Variants in ARID5B observed in about 807,000 individuals in gnomAD.
ARID5B encodes AT-rich interaction domain 5B.
Under a neutral mutation model 97.2 loss-of-function variants are expected in ARID5B, and 13 were observed. The observed-to-expected ratio is 0.13, with a 90% CI of 0.09 to 0.21. The LOEUF is 0.21. ARID5B is among the 10% of genes least tolerant of loss of function. The probability of loss-of-function intolerance (pLI) is 1.00; values close to 1 mark genes in which losing one functional copy is unlikely to be tolerated. For missense variants in ARID5B, 1,210 were observed against 1,465.3 expected (o/e 0.83, Z 2.84); for synonymous variants, 556 against 570.3 (o/e 0.97, Z 0.36).
chr10:62,047,854 CTT>C, intron 4 of ARID5B, among the ~76,000 whole-genome samples: 1 of 152,336 alleles, frequency 6.6e-6, no homozygotes, highest in African/African-American at 2.4e-5. Flanking sequence ...AATACCAAAA[CTT>C]TACCTGGAGT....
chr10:62,021,248 TAC>T lies in ARID5B; in HGVS notation c.733+20928_733+20929del, dbSNP rs1478722672. Among the ~76,000 whole-genome samples the T allele has an allele frequency of 2.0e-5, 3 of 152,044 alleles. No individual in the cohort carries two copies. The East Asian group carries it at 5.8e-4, about 29-fold the overall frequency. On this transcript the variant is annotated intron_variant, in intron 4 of 9. Transcript: ENST00000279873. ...AAATTGTTTTTAGCTGCACATGCTA[TAC>T]CATTTAAAAAACTTAGACTAAATAC...
At chr10:62,043,600 T>G (rs1417851667) in intron 4 of ARID5B, among the ~76,000 whole-genome samples, 1 of 152,174 alleles carries the variant, frequency 6.6e-6, no homozygotes, top group Non-Finnish European at 1.5e-5. Flanking sequence ...CAATTAGCAA[T>G]ACAGATGAGC....
chr10:62,083,064 C>T (rs1172306981), intron 8 of ARID5B, among the ~76,000 whole-genome samples: 1 of 150,496 alleles, frequency 6.6e-6, no homozygotes, highest in Non-Finnish European at 1.5e-5. Flanking sequence ...CACACACACA[C>T]TCTCTCACAC....
At chr10:61,902,801 G>C (rs1484766156) in intron 2 of ARID5B, among the ~76,000 whole-genome samples, 1 of 151,184 alleles carries the variant, frequency 6.6e-6, no homozygotes, top group Non-Finnish European at 1.5e-5. Flanking sequence ...TTCGTGTCTG[G>C]CTCGGTCGTG....
At chr10:62,038,875 A>G (rs982953908) in intron 4 of ARID5B, among the ~76,000 whole-genome samples, 5 of 152,218 alleles carry the variant, frequency 3.3e-5, no homozygotes, top group Non-Finnish European at 7.3e-5. Context: ...TAACAAAGCT[A>G]GAAATGGTTT....
chr10:61,921,918 T>A (rs954856360), intron 2 of ARID5B, among the ~76,000 whole-genome samples: 20 of 152,314 alleles, frequency 1.3e-4, no homozygotes, highest in Admixed American at 1.3e-3. Context: ...CACGGCTCAC[T>A]GCAGCCTCGA....
intron 4 of ARID5B, chr10:62,025,244 A>T (rs1839406130): frequency 6.6e-6 from 1 of 152,228 alleles, no homozygotes; most frequent in Non-Finnish European, 1.5e-5. Context: ...TGTGTCATCT[A>T]TCACAGTGTT....
At chr10:61,919,706 T>A (rs887364359) in intron 2 of ARID5B, among the ~76,000 whole-genome samples, 3 of 152,250 alleles carry the variant, frequency 2.0e-5, no homozygotes, top group African/African-American at 4.8e-5. Context: ...CTGTTCCTTG[T>A]GAATATTCTC....
At chr10:61,935,947 T>G (rs184161145) in intron 2 of ARID5B, among the ~76,000 whole-genome samples, 1 of 152,324 alleles carries the variant, frequency 6.6e-6, no homozygotes, top group Admixed American at 6.5e-5. Flanking sequence ...TGTCACATCG[T>G]TTCTGGAAAA....
chr10:61,988,092 C>G (rs1838871048), intron 3 of ARID5B, among the ~76,000 whole-genome samples: 1 of 152,174 alleles, frequency 6.6e-6, no homozygotes, highest in Non-Finnish European at 1.5e-5. Flanking sequence ...CAGAGCACAT[C>G]TGTATCATCA....
rs1174292279 is a variant in ARID5B, at chr10:62,092,672, A to G, written c.3209A>G (p.Lys1070Arg). The G allele has an allele frequency of 1.2e-6, 2 of 1,613,964 alleles. No individual in the cohort carries two copies. Among genetic ancestry groups the G allele is most frequent in the East Asian group, 2.2e-5 (1 of 44,860 alleles). ...TCCGGGGGCGGATCAGAAGGCCACA[A>G]GCTTCCCCTCTCCTCCCCTATCTTC... Reference protein sequence around the residue: ...GHSGGGSEGHKLPLSSPIFPG... With the variant: ...GHSGGGSEGHRLPLSSPIFPG... Residue 1070 changes from lysine to arginine, a missense_variant, in exon 10 of 10, where the codon AAG (lysine) becomes AGG (arginine). This residue lies in a region of ARID5B where 800 missense variants were observed against 839.1 expected (regional missense o/e 0.95). Coordinates refer to ENST00000279873, the MANE Select transcript of ARID5B (RefSeq NM_032199.3).
At chr10:61,959,143 G>T (rs1412047454) in intron 3 of ARID5B, among the ~76,000 whole-genome samples, 1 of 152,196 alleles carries the variant, frequency 6.6e-6, no homozygotes, top group Admixed American at 6.5e-5. Flanking sequence ...ATTTTAGATT[G>T]CAAATGATAG....
In ARID5B at chr10:62,094,126, A is replaced by G. The variant is rs371240123; in HGVS notation, c.*1096A>G. 92 of 233,490 alleles carry G rather than the reference A, an allele frequency of 3.9e-4. No homozygotes were observed. The South Asian group carries it at 5.8e-3, about 15-fold the overall frequency. The allele number at this position is 233,490 out of a possible 1,614,324, so 14.5% of individuals were successfully genotyped here. On this transcript the variant is annotated 3_prime_UTR_variant, in exon 10 of 10. Coordinates refer to ENST00000279873, the MANE Select transcript of ARID5B (RefSeq NM_032199.3). ...CGAATAACAACAGAGTCTAGAGGAC[A>G]TATTTGTGGGCTGCACAGATATTTT...
At chr10:61,920,852 C>A (rs1326123244) in intron 2 of ARID5B, among the ~76,000 whole-genome samples, 4 of 152,122 alleles carry the variant, frequency 2.6e-5, no homozygotes, top group Admixed American at 2.6e-4. Flanking sequence ...TAGAGGAGAT[C>A]AAACATGTTC....
intron 3 of ARID5B, among the ~76,000 whole-genome samples, chr10:61,950,387 G>A (rs1396540491): frequency 6.6e-6 from 1 of 152,190 alleles, no homozygotes; most frequent in African/African-American, 2.4e-5. Flanking sequence ...AGTGAGGTCT[G>A]TCTGGGCACA....
At chr10:61,934,914 G>A (rs1318698245) in intron 2 of ARID5B, among the ~76,000 whole-genome samples, 1 of 151,784 alleles carries the variant, frequency 6.6e-6, no homozygotes, top group Non-Finnish European at 1.5e-5. Context: ...TCGGGAGGCT[G>A]AGGCAAGAGA....
chr10:62,057,388 T>G, intron 6 of ARID5B, 70 bp downstream of exon 6: 1 of 1,454,682 alleles, frequency 6.9e-7, no homozygotes. Context: ...AAAAATAATT[T>G]TGACTCAGGA....
intron 2 of ARID5B, among the ~76,000 whole-genome samples, chr10:61,903,397 T>A (rs1442796716): frequency 6.6e-6 from 1 of 152,222 alleles, no homozygotes; most frequent in East Asian, 1.9e-4. Context: ...CCTTCGGCTC[T>A]GTCATTTCAT....
chr10:61,965,665 G>C (rs4948494), intron 3 of ARID5B, among the ~76,000 whole-genome samples: 82,633 of 151,872 alleles, frequency 0.54, 22,699 homozygotes, highest in Non-Finnish European at 0.59. Flanking sequence ...AGTTCCCAAG[G>C]GTTCTATTTT....
Sources: gnomAD v4.1 joint callset for allele counts (sites outside exome capture counted in the v4.1 genomes callset) on GRCh38, gnomAD v4.1.1 for gene constraint, gnomAD v4.1.1 regional missense constraint, MANE v1.5 for transcripts, NCBI Gene and HGNC (gene_info 2026-07-23, HGNC 2026-07-21) for gene names.